Variants in ADAMTS3 observed in about 807,000 individuals in gnomAD.
The protein encoded by ADAMTS3 is A disintegrin and metalloproteinase with thrombospondin motifs 3.
A neutral mutation model predicts 129.0 loss-of-function variants in ADAMTS3; 73 were observed. That is an observed-to-expected ratio of 0.57 (90% CI 0.47 to 0.69). The LOEUF (loss-of-function observed/expected upper bound fraction) is 0.69, where lower values mean the gene tolerates loss of function less well. Among genes scored for constraint, ADAMTS3 ranks in the 30% least tolerant of loss-of-function variants. The pLI is 0.00. For synonymous variants in ADAMTS3, 477 were observed against 510.8 expected (o/e 0.93, Z 0.89); for missense variants, 1,457 against 1,514.5 (o/e 0.96, Z 0.63).
At chr4:72,543,479 G>C (rs185829570) in intron 3 of ADAMTS3, among the ~76,000 whole-genome samples, 168 of 152,164 alleles carry the variant, frequency 1.1e-3, no homozygotes, top group African/African-American at 3.9e-3. Context: ...TCTAACAACA[G>C]ATAAATGAAT....
chr4:72,349,151 A>G (rs952188742), intron 4 of ADAMTS3, among the ~76,000 whole-genome samples: 6 of 152,068 alleles, frequency 3.9e-5, no homozygotes, highest in African/African-American at 1.4e-4. Context: ...TGATTTTGAG[A>G]AAGAAGCTAA....
At chr4:72,539,889 A>G (rs541157424) in intron 3 of ADAMTS3, among the ~76,000 whole-genome samples, 4 of 152,324 alleles carry the variant, frequency 2.6e-5, no homozygotes, top group Non-Finnish European at 4.4e-5. Context: ...CTGTGAGTCC[A>G]ATTAAACCTC....
At chr4:72,558,873 A>T (rs1453989249) in intron 2 of ADAMTS3, among the ~76,000 whole-genome samples, 1 of 151,708 alleles carries the variant, frequency 6.6e-6, no homozygotes, top group Non-Finnish European at 1.5e-5. Context: ...CAAGCTTATG[A>T]CTAAATCAAG....
chr4:72,383,701 A>G (rs1721361004), intron 4 of ADAMTS3, among the ~76,000 whole-genome samples: 1 of 152,160 alleles, frequency 6.6e-6, no homozygotes, highest in Non-Finnish European at 1.5e-5. Flanking sequence ...AAGTAAAACA[A>G]AACAAAAAGC....
intron 19 of ADAMTS3, among the ~76,000 whole-genome samples, chr4:72,294,504 C>T (rs965128595): frequency 6.6e-6 from 1 of 152,060 alleles, no homozygotes; most frequent in African/African-American, 2.4e-5. Flanking sequence ...GGTTAATTAG[C>T]TGAGTTTAAT....
rs187498765 is a variant in ADAMTS3, at chr4:72,281,626, C to T, written c.*1510G>A. 6.6e-6 allele frequency: 1 copy of T among 152,260 alleles called. No individual in the cohort carries two copies. The highest frequency in any genetic ancestry group is 1.5e-5 in the Non-Finnish European group (1 of 68,014). The allele number at this position is 152,260 out of a possible 1,614,324, so 9.4% of individuals were successfully genotyped here. A position where few individuals can be genotyped will look rare whatever the true frequency, so the allele number is the denominator to read the frequency against. ...AAACAAGTCATCAACTTAATATCAACTACTAAAAATGCAAGATGTTTGCAT... is the reference window on the plus strand; with the variant it reads ...AAACAAGTCATCAACTTAATATCAATTACTAAAAATGCAAGATGTTTGCAT... On this transcript the variant is annotated 3_prime_UTR_variant, in exon 22 of 22. Coordinates refer to ENST00000286657, the MANE Select transcript of ADAMTS3 (RefSeq NM_014243.3).
chr4:72,415,077 G>A (rs1447435968), intron 3 of ADAMTS3, 106 bp from the exon 4 acceptor site: 10 of 851,952 alleles, frequency 1.2e-5, no homozygotes, highest in East Asian at 6.0e-5. Context: ...GAAAACTAAC[G>A]CTTTTTCTTT....
In ADAMTS3 at chr4:72,568,933, G is replaced by A. The variant is rs1722093600; in HGVS notation, c.-171C>T. 1.6e-6 allele frequency: 1 copy of A among 631,396 alleles called. No individual in the cohort carries two copies. Among genetic ancestry groups the A allele is most frequent in the Non-Finnish European group, 2.8e-6 (1 of 353,572 alleles). 39.1% of individuals were successfully genotyped at this position (631,396 alleles called of 1,614,324 possible). Reference sequence around the variant, plus strand: ...TCAATGAAAATGAAATTTGAGCTCTGAGACTGGCCCCCTCTGCTCTGCAGT... The same window carrying A: ...TCAATGAAAATGAAATTTGAGCTCTAAGACTGGCCCCCTCTGCTCTGCAGT... On this transcript the variant is annotated 5_prime_UTR_variant, in exon 1 of 22. Coordinates refer to ENST00000286657, the MANE Select transcript of ADAMTS3 (RefSeq NM_014243.3).
At chr4:72,405,830 AT>A (rs1466787830) in intron 4 of ADAMTS3, among the ~76,000 whole-genome samples, 1 of 152,086 alleles carries the variant, frequency 6.6e-6, no homozygotes, top group East Asian at 1.9e-4. Flanking sequence ...AAAATACAGG[AT>A]TTTTACATAC....
chr4:72,539,143 A>G (rs893508593), intron 3 of ADAMTS3, among the ~76,000 whole-genome samples: 1 of 152,176 alleles, frequency 6.6e-6, no homozygotes, highest in African/African-American at 2.4e-5. Flanking sequence ...ACAGGAAACA[A>G]AAGAAAAAAT....
chr4:72,560,967 T>A (rs1218099517), intron 2 of ADAMTS3, among the ~76,000 whole-genome samples: 1 of 152,206 alleles, frequency 6.6e-6, no homozygotes, highest in African/African-American at 2.4e-5. Context: ...AACTACTCAG[T>A]CAACAGTGTC....
intron 3 of ADAMTS3, among the ~76,000 whole-genome samples, chr4:72,426,462 C>T (rs1010909053): frequency 9.9e-5 from 15 of 152,122 alleles, no homozygotes; most frequent in African/African-American, 3.4e-4. Context: ...AATAAATGCA[C>T]ATACCCAAAC....
At chr4:72,303,714 A>G (rs906708181) in intron 17 of ADAMTS3, among the ~76,000 whole-genome samples, 1 of 152,198 alleles carries the variant, frequency 6.6e-6, no homozygotes, top group South Asian at 2.1e-4. Flanking sequence ...ATGCTGCATT[A>G]TTCAGTTTAT....
intron 4 of ADAMTS3, among the ~76,000 whole-genome samples, chr4:72,386,612 C>A (rs1341803420): frequency 6.6e-6 from 1 of 151,984 alleles, no homozygotes; most frequent in Non-Finnish European, 1.5e-5. Flanking sequence ...AGAGACTGAA[C>A]AACACTGATG....
intron 3 of ADAMTS3, among the ~76,000 whole-genome samples, chr4:72,464,943 T>C (rs1718877531): frequency 6.6e-6 from 1 of 152,070 alleles, no homozygotes; most frequent in African/African-American, 2.4e-5. Context: ...ATTCATCCTC[T>C]GAGCATTGGG....
chr4:72,455,854 A>G (rs1348876808), intron 3 of ADAMTS3, among the ~76,000 whole-genome samples: 2 of 120,858 alleles, frequency 1.7e-5, no homozygotes, highest in Non-Finnish European at 3.2e-5. Context: ...TATATATTTT[A>G]TATATAGTAT....
At chr4:72,304,849 T>C (rs1474751203) in intron 16 of ADAMTS3, among the ~76,000 whole-genome samples, 2 of 152,112 alleles carry the variant, frequency 1.3e-5, no homozygotes, top group African/African-American at 4.8e-5. Flanking sequence ...AATGTATTTA[T>C]TCCTCTTGGG....
chr4:72,327,231 A>G (rs1034349927), intron 5 of ADAMTS3, among the ~76,000 whole-genome samples: 1 of 152,178 alleles, frequency 6.6e-6, no homozygotes, highest in Non-Finnish European at 1.5e-5. Flanking sequence ...AGAAAGAACT[A>G]AAAGGATATC....
At chr4:72,346,223 C>T (rs914465308) in intron 4 of ADAMTS3, among the ~76,000 whole-genome samples, 1 of 152,098 alleles carries the variant, frequency 6.6e-6, no homozygotes, top group South Asian at 2.1e-4. Context: ...TCTCTGGTAA[C>T]ATTTAACTCC....
Sources: gnomAD v4.1 joint callset for allele counts (sites outside exome capture counted in the v4.1 genomes callset) on GRCh38, gnomAD v4.1.1 for gene constraint, MANE v1.5 for transcripts, NCBI Gene and HGNC (gene_info 2026-07-23, HGNC 2026-07-21) for gene names.